The following KLHL1 variants were observed in gnomAD, a reference collection of about 807,000 sequenced individuals.
KLHL1 encodes the protein kelch-like protein 1.
KLHL1 carries 47 observed loss-of-function variants against 77.7 expected under a neutral mutation model. The ratio of observed to expected loss-of-function variants is 0.60; its 90% CI spans 0.48 to 0.77. The LOEUF is 0.77. KLHL1 is among the 30% of genes least tolerant of loss of function. The pLI is 0.00. For missense variants in KLHL1, 925 were observed against 910.8 expected, an observed-to-expected ratio of 1.02 and a Z score of -0.20; for synonymous variants, 360 against 325.2, an observed-to-expected ratio of 1.11 and a Z score of -1.15.
At chr13:69,916,484 G>T (rs371496116) in intron 4 of KLHL1, among the ~76,000 whole-genome samples, 34 of 151,390 alleles carry the variant, frequency 2.2e-4, no homozygotes, top group African/African-American at 8.0e-4. Flanking sequence ...GCAAACTATC[G>T]CAAGGACAAA....
chr13:69,803,938 T>A (rs949988154), intron 6 of KLHL1, among the ~76,000 whole-genome samples: 2 of 152,190 alleles, frequency 1.3e-5, no homozygotes, highest in Non-Finnish European at 2.9e-5. Flanking sequence ...GATTTCAGCC[T>A]TGTGTGATCT....
At chr13:70,033,876 T>C (rs1042461075) in intron 1 of KLHL1, among the ~76,000 whole-genome samples, 8 of 152,024 alleles carry the variant, frequency 5.3e-5, no homozygotes, top group East Asian at 1.9e-4. Flanking sequence ...TGCCCCCACC[T>C]CTGGGATTAC....
intron 3 of KLHL1, among the ~76,000 whole-genome samples, chr13:69,942,105 C>T (rs1883382466): frequency 6.6e-6 from 1 of 151,848 alleles, no homozygotes; most frequent in Non-Finnish European, 1.5e-5. Context: ...AAATAATATC[C>T]TATTTTATTC....
chr13:69,707,554 C>T, intron 10 of KLHL1, 71 bp downstream of exon 10: 1 of 1,416,158 alleles, frequency 7.1e-7, no homozygotes, highest in South Asian at 1.4e-5. Flanking sequence ...TGTTTGTATA[C>T]CCCTCCTCCA....
chr13:70,056,414 A>G (rs1886746295), intron 1 of KLHL1, among the ~76,000 whole-genome samples: 1 of 152,178 alleles, frequency 6.6e-6, no homozygotes, highest in African/African-American at 2.4e-5. Flanking sequence ...TCCCACTTTC[A>G]GCATTGGAAA....
Position 69,953,922 on chromosome 13 carries a change from TG to T in KLHL1, c.817+7385del, listed in dbSNP as rs1426693499. Among the ~76,000 whole-genome samples the T allele has an allele frequency of 2.4e-4, 37 of 151,406 alleles. No homozygotes were observed. The Middle Eastern group carries it at 0.01, about 42-fold the overall frequency. On this transcript the variant is annotated intron_variant, in intron 3 of 10. Transcript: ENST00000377844. ...TCATCATAATTGAGTGTTTGCTGCA[TG>T]CTAAACTTTATGCTAAACTAGCTTA... is the stretch of plus-strand genomic sequence containing the variant.
rs199985994 is a variant in KLHL1 at position 69,839,009 on chromosome 13, A to C, written c.1381T>G (p.Leu461Val). ...TKPRKSTVGT[L>V]YAVGGMDNNK... is the part of the protein sequence containing the mutation. The stretch of plus-strand genomic sequence containing the variant: ...TTATCCATTCCTCCTACAGCATACA[A>C]AGTTCCGACTGTAGATTTTCTGGGT... The change falls in exon 6 of 11, where the codon TTG becomes GTG. Residue 461 changes from leucine (L) to valine (V), a missense_variant. By Grantham distance (32) the Leu-to-Val change is conservative. Coordinates refer to ENST00000377844, the MANE Select transcript of KLHL1 (RefSeq NM_020866.3). 19 of 1,609,376 alleles carry C rather than the reference A, an allele frequency of 1.2e-5. No homozygotes were observed. Among genetic ancestry groups the C allele is most frequent in the Non-Finnish European group, 1.6e-5 (19 of 1,177,570 alleles).
intron 5 of KLHL1, among the ~76,000 whole-genome samples, chr13:69,872,781 G>A (rs1880630760): frequency 6.6e-6 from 1 of 152,114 alleles, no homozygotes; most frequent in Non-Finnish European, 1.5e-5. Context: ...GGAGGGGCAA[G>A]GCTCTTTTTA....
chr13:70,043,486 T>G lies in KLHL1; in HGVS notation c.497+63717A>C, dbSNP rs187183064. On this transcript the variant is annotated intron_variant, in intron 1 of 10. Coordinates refer to ENST00000377844, the MANE Select transcript of KLHL1 (RefSeq NM_020866.3). ...TCTATGGTAGTGTACAGTAATGTTC[T>G]TGGCCTTCACATTCGCTCACTACTT... Among the ~76,000 whole-genome samples the G allele has an allele frequency of 1.3e-3, 192 of 152,324 alleles. 1 individual carries two copies. The highest frequency in any genetic ancestry group is 3.4e-3 in the African/African-American group (140 of 41,580).
At chr13:69,748,928 C>A (rs569282255) in intron 7 of KLHL1, among the ~76,000 whole-genome samples, 33 of 152,080 alleles carry the variant, frequency 2.2e-4, no homozygotes, top group African/African-American at 7.9e-4. Flanking sequence ...AATTGTTTAG[C>A]AAGTAACATG....
rs148029982 is a variant in KLHL1 at position 70,092,589 on chromosome 13, T to C, written c.497+14614A>G. Among the ~76,000 whole-genome samples, 1,000 of 152,122 alleles carry C rather than the reference T, an allele frequency of 6.6e-3. 4 individuals are homozygous for C. The highest frequency in any genetic ancestry group is 0.011 in the Non-Finnish European group (735 of 68,002). On this transcript the variant is annotated intron_variant, in intron 1 of 10. Coordinates refer to ENST00000377844, the MANE Select transcript of KLHL1 (RefSeq NM_020866.3). ...TAATGAAAAATAGCACTTGATATTA[T>C]AATGATTCGTAGAATGTAAAGCATT...
At chr13:69,706,141 T>C (rs1875615438) in intron 10 of KLHL1, among the ~76,000 whole-genome samples, 1 of 150,396 alleles carries the variant, frequency 6.6e-6, no homozygotes, top group Admixed American at 6.6e-5. Flanking sequence ...AAAGCAATCA[T>C]TACTTGCTTT....
At chr13:69,710,765 T>C (rs1366468902) in intron 9 of KLHL1, among the ~76,000 whole-genome samples, 1 of 152,120 alleles carries the variant, frequency 6.6e-6, no homozygotes, top group Non-Finnish European at 1.5e-5. Flanking sequence ...AAACTTGAAT[T>C]CTAAGCAGCC....
intron 1 of KLHL1, among the ~76,000 whole-genome samples, chr13:70,024,007 T>C (rs1885869431): frequency 6.6e-6 from 1 of 151,872 alleles, no homozygotes; most frequent in Admixed American, 6.6e-5. Context: ...TTGATGTCTG[T>C]CAAAAATGTT....
In KLHL1 at chr13:69,996,213, G is replaced by C. The variant is rs190158531; in HGVS notation, c.498-20411C>G. On this transcript the variant is annotated intron_variant, in intron 1 of 10. Coordinates refer to ENST00000377844, the MANE Select transcript of KLHL1 (RefSeq NM_020866.3). The stretch of plus-strand genomic sequence containing the variant: ...AGCTACTCAGGAGGCTGAGGCAGGA[G>C]AATCGCTTGAACCAGGTTGTCAGAG... Among the ~76,000 whole-genome samples, 37 of 152,148 alleles carry C rather than the reference G, an allele frequency of 2.4e-4. No individual in the cohort carries two copies. In the East Asian group the frequency reaches 7.2e-3, roughly 29 times the overall value.
intron 6 of KLHL1, among the ~76,000 whole-genome samples, chr13:69,816,144 A>G (rs9529645): frequency 0.019 from 2,865 of 152,164 alleles, 65 homozygotes; most frequent in Middle Eastern, 0.048. Flanking sequence ...TAGAAGATAT[A>G]TAATTTTGAT....
intron 5 of KLHL1, among the ~76,000 whole-genome samples, chr13:69,840,940 A>G (rs1879233559): frequency 6.6e-6 from 1 of 151,800 alleles, no homozygotes. Flanking sequence ...TCATTGCCAC[A>G]GAAGGAAAAT....
intron 7 of KLHL1, among the ~76,000 whole-genome samples, chr13:69,779,178 G>C (rs1483446983): frequency 6.6e-6 from 1 of 152,068 alleles, no homozygotes; most frequent in East Asian, 1.9e-4. Context: ...ATGTTTATTT[G>C]AACAAGTACA....
At chr13:70,088,990 C>A (rs771196685) in intron 1 of KLHL1, among the ~76,000 whole-genome samples, 7 of 151,992 alleles carry the variant, frequency 4.6e-5, no homozygotes, top group Non-Finnish European at 1.0e-4. Flanking sequence ...TTATCAGTAC[C>A]TTCTAGAAAA....
Sources: gnomAD v4.1 joint callset for allele counts (sites outside exome capture counted in the v4.1 genomes callset) on GRCh38, gnomAD v4.1.1 for gene constraint, MANE v1.5 for transcripts, NCBI Gene and HGNC (gene_info 2026-07-23, HGNC 2026-07-21) for gene names.